Variants in DNAH1 observed in about 807,000 individuals in gnomAD.
The protein encoded by DNAH1 is axonemal beta dynein heavy chain 1.
In DNAH1, 327 loss-of-function variants were observed where a neutral mutation model predicts 484.3. The ratio of observed to expected loss-of-function variants is 0.68; its 90% CI spans 0.62 to 0.74. The LOEUF (loss-of-function observed/expected upper bound fraction) is 0.74. Among genes scored for constraint, DNAH1 ranks in the 30% least tolerant of loss-of-function variants. The pLI is 0.00. For missense variants in DNAH1, 5,052 were observed against 5,546.8 expected (o/e 0.91, Z 2.83); for synonymous variants, 2,192 against 2,191.9 (o/e 1.00, Z 0.00).
At position 52,391,218 on chromosome 3, in the gene DNAH1, C is replaced by G. The variant is rs150835931; in HGVS notation, c.9781C>G (p.Arg3261Gly). ...NGLDVFKLSDRDFLRSMENAI... is the reference protein window; with the variant it reads ...NGLDVFKLSDGDFLRSMENAI... The stretch of plus-strand genomic sequence containing the variant: ...GCTGGATGTGTTCAAGTTGAGTGAC[C>G]GCGACTTCCTGCGCAGCATGGAGAA... Residue 3261 changes from arginine (R) to glycine (G), a missense_variant, in exon 62 of 78, where the codon CGC (arginine) becomes GGC (glycine). By Grantham distance (125) the Arg-to-Gly change is moderately radical. This residue lies in a region of DNAH1 where 2,929 missense variants were observed against 3,409.4 expected (regional missense o/e 0.86). Coordinates refer to ENST00000420323, the MANE Select transcript of DNAH1 (RefSeq NM_015512.5). 2 of 1,613,882 alleles carry G rather than the reference C, an allele frequency of 1.2e-6. No individual in the cohort carries two copies. Among genetic ancestry groups the G allele is most frequent in the South Asian group, 1.1e-5 (1 of 91,052 alleles).
At chr3:52,356,590 C>T in intron 21 of DNAH1, 24 bp from the exon 22 acceptor site, 3 of 1,611,518 alleles carry the variant, frequency 1.9e-6, no homozygotes, top group Non-Finnish European at 2.5e-6. Flanking sequence ...ATATCACACC[C>T]CTCCCTGCCC....
Position 52,360,424 on chromosome 3 carries a change from G to A in DNAH1, c.4685G>A (p.Arg1562Lys), listed in dbSNP as rs1352904824. 6.2e-7 allele frequency: 1 copy of A among 1,612,390 alleles called. No homozygotes were observed. The change falls in exon 28 of 78, where the codon AGG becomes AAG. Residue 1562 changes from arginine (R) to lysine (K), a missense_variant and splice_region_variant. Arg to Lys is a conservative substitution (Grantham distance 26). Transcript: ENST00000420323. The part of the protein sequence containing the change: ...GRLVITPLTD[R>K]CYLTLTGALH... ...CTGGTGATCACGCCCCTCACCGACA[G>A]GTAAGCGTTCCCCTCTTGCTCCTTC...
chr3:52,314,405 G>A (rs1343589048), upstream of DNAH1, among the ~76,000 whole-genome samples: 3 of 152,220 alleles, frequency 2.0e-5, no homozygotes, highest in Non-Finnish European at 2.9e-5. Context: ...CTCAGATGGA[G>A]GTCAGAGAAA....
chr3:52,341,879 G>A (rs1176262116), intron 8 of DNAH1, among the ~76,000 whole-genome samples: 4 of 152,192 alleles, frequency 2.6e-5, no homozygotes, highest in African/African-American at 9.7e-5. Flanking sequence ...TCTTGTGCCA[G>A]ACACTGGGTA....
upstream of DNAH1, among the ~76,000 whole-genome samples, chr3:52,314,859 G>A (rs1700896935): frequency 6.6e-6 from 1 of 152,148 alleles, no homozygotes; most frequent in Non-Finnish European, 1.5e-5. Context: ...AGTAAAGGTG[G>A]GCAGGGGATT....
intron 4 of DNAH1, 77 bp downstream of exon 4, chr3:52,326,391 C>A: frequency 1.3e-6 from 2 of 1,489,528 alleles, no homozygotes; most frequent in East Asian, 2.3e-5. Context: ...AACTGCAGAT[C>A]ACCAGGTGAT....
chr3:52,381,950 G>C lies in DNAH1; in HGVS notation c.7805+114G>C, dbSNP rs112378680. The C allele has an allele frequency of 8.7e-7, 1 of 1,154,230 alleles. No individual in the cohort carries two copies. Among genetic ancestry groups the C allele is most frequent in the Non-Finnish European group, 1.2e-6 (1 of 834,088 alleles). The allele number at this position is 1,154,230 out of a possible 1,614,324, so 71.5% of individuals were successfully genotyped here. On this transcript the variant is annotated intron_variant, in intron 49 of 77. Coordinates refer to ENST00000420323, the MANE Select transcript of DNAH1 (RefSeq NM_015512.5). This position sits in a 1 kb window ranked among gnomAD's most constrained non-coding sequence, Gnocchi z 4.1. Reference sequence around the variant, plus strand: ...CCTCGGGCAACCCTGAAGTAGGCCCGTGCAGCCTACAGGCTTCTGGAAAGA... The same window carrying C: ...CCTCGGGCAACCCTGAAGTAGGCCCCTGCAGCCTACAGGCTTCTGGAAAGA...
rs1236817438 is a variant in DNAH1 at position 52,346,643 on chromosome 3, A to G, written c.1828A>G (p.Thr610Ala). 5.6e-6 allele frequency: 9 copies of G among 1,614,074 alleles called. No individual in the cohort carries two copies. In the East Asian group the frequency reaches 2.0e-4, roughly 36 times the overall value. The stretch of plus-strand genomic sequence containing the variant: ...GCTGGTGAAGTACATGCTGCAGGAC[A>G]CACTGCGCTTCCTGGTGCAGGACTC... ...MELVKYMLQD[T>A]LRFLVQDSLA... The change falls in exon 11 of 78, where the codon ACA becomes GCA. Residue 610 changes from threonine (T) to alanine (A), a missense_variant. Coordinates refer to ENST00000420323, the MANE Select transcript of DNAH1 (RefSeq NM_015512.5).
At position 52,352,633 on chromosome 3, in the gene DNAH1, C is replaced by T. The variant is rs1702440502; in HGVS notation, c.2953C>T (p.Gln985Ter). The T allele has an allele frequency of 6.2e-7, 1 of 1,613,022 alleles. No homozygotes were observed. Among genetic ancestry groups the T allele is most frequent in the Non-Finnish European group, 8.5e-7 (1 of 1,179,722 alleles). The change falls in exon 18 of 78, where the codon CAG becomes TAG. Residue 985 changes from glutamine to a stop codon, truncating the protein, a stop_gained. Coordinates refer to ENST00000420323, the MANE Select transcript of DNAH1 (RefSeq NM_015512.5). LOFTEE classifies it high-confidence loss of function. ...CAACGAGGTGCGGCGTGTCAAGAAG[C>T]AGCTGAAGGACTGCCAGCAGCTGGC... ...IANEVRRVKKQLKDCQQLAML... is the reference protein window; with the variant it reads ...IANEVRRVKK
Position 52,383,817 on chromosome 3 carries a change from T to C in DNAH1, c.8151-43T>C, listed in dbSNP as rs780608487. 3.9e-6 allele frequency: 6 copies of C among 1,539,516 alleles called. No individual in the cohort carries two copies. In the Admixed American group the frequency reaches 9.8e-5, roughly 25 times the overall value. On this transcript the variant is annotated intron_variant, in intron 51 of 77. Coordinates refer to ENST00000420323, the MANE Select transcript of DNAH1 (RefSeq NM_015512.5). Reference sequence around the variant, plus strand: ...CTGGGTCCTGGGCTCCTGGGGTCGTTGGTCAGTGTCTCTGGACCTCATTTG... The same window carrying C: ...CTGGGTCCTGGGCTCCTGGGGTCGTCGGTCAGTGTCTCTGGACCTCATTTG...
chr3:52,370,822 G>A lies in DNAH1; in HGVS notation c.6522G>A (p.Lys2174=), dbSNP rs906180337. 6 of 1,588,990 alleles carry A rather than the reference G, an allele frequency of 3.8e-6. No individual in the cohort carries two copies. Among genetic ancestry groups the A allele is most frequent in the Middle Eastern group, 1.7e-4 (1 of 5,870 alleles). Residue 2174 remains lysine, a synonymous_variant, in exon 41 of 78, where the codon AAG becomes AAA. Coordinates refer to ENST00000420323, the MANE Select transcript of DNAH1 (RefSeq NM_015512.5). ...GTGAGGATGAAGAGGAGGAATACAA[G>A]CAGGTGGCCGCAGGCCCTCCCCAGA... ...NDSEDEEEEY[K]QVAWVKWMDS...
chr3:52,352,775 C>T (rs1702448670), intron 18 of DNAH1, 68 bp downstream of exon 18: 2 of 1,538,982 alleles, frequency 1.3e-6, no homozygotes, highest in African/African-American at 1.4e-5. Context: ...GTAGATGCAG[C>T]TGCCAGGAGG....
At chr3:52,371,832 T>G (rs1703352012) in intron 41 of DNAH1, 114 bp from the exon 42 acceptor site, 1 of 1,482,686 alleles carries the variant, frequency 6.7e-7, no homozygotes, top group Non-Finnish European at 9.0e-7. Flanking sequence ...TGGACCCGCT[T>G]GCCAAAGCCC....
Position 52,355,175 on chromosome 3 carries a change from C to T in DNAH1, c.3693+120C>T. The T allele has an allele frequency of 2.0e-6, 2 of 1,001,788 alleles. No individual in the cohort carries two copies. Among genetic ancestry groups the T allele is most frequent in the Middle Eastern group, 3.1e-4 (1 of 3,248 alleles). 62.1% of individuals were successfully genotyped at this position (1,001,788 alleles called of 1,614,324 possible). A position where few individuals can be genotyped will look rare whatever the true frequency, so the allele number is the denominator to read the frequency against. On this transcript the variant is annotated intron_variant, in intron 21 of 77. Transcript: ENST00000420323. The surrounding 1 kb of genome is among the most constrained non-coding windows in gnomAD (Gnocchi z 4.5). ...CATCGCAGTGCCTTGCCCTCATTCA[C>T]ACAGCCCCTGGCTCTCTGGCAGGCC...
Position 52,388,287 on chromosome 3 carries a change from G to A in DNAH1, c.9124G>A (p.Ala3042Thr), listed in dbSNP as rs759706633. Residue 3042 changes from alanine (A) to threonine (T), a missense_variant, in exon 57 of 78, where the codon GCC becomes ACC. By Grantham distance (58) the Ala-to-Thr change is moderately conservative. Coordinates refer to ENST00000420323, the MANE Select transcript of DNAH1 (RefSeq NM_015512.5). ...CACCTCCATCTGCCAGTGGGTGCGC[G>A]CCATGCACAAGTACCACTTTGTGGC... ...ACTSICQWVR[A>T]MHKYHFVAKA... 1.7e-5 allele frequency: 27 copies of A among 1,601,374 alleles called. No homozygotes were observed. The highest frequency in any genetic ancestry group is 4.5e-5 in the South Asian group (4 of 88,798).
At chr3:52,397,619 C>A in intron 73 of DNAH1, 88 bp from the exon 74 acceptor site, 1 of 1,251,748 alleles carries the variant, frequency 8.0e-7, no homozygotes, top group Non-Finnish European at 1.1e-6. Context: ...GGGAATGTGA[C>A]AAGTGGGGAT....
Position 52,320,563 on chromosome 3 carries a change from C to T in DNAH1, c.-34-1846C>T, listed in dbSNP as rs144545681. 1.6e-3 allele frequency among the ~76,000 whole-genome samples: 238 copies of T among 152,326 alleles called. 1 individual carries two copies. The highest frequency in any genetic ancestry group is 2.5e-3 in the Admixed American group (38 of 15,314). ...TAGTTTTGCTCTAGACAGCCCTGGC[C>T]ACCCACCCCACTCCTCAAGTCAGTG... On this transcript the variant is annotated intron_variant, in intron 1 of 77. Transcript: ENST00000420323.
rs1266692176 is a variant in DNAH1 at position 52,372,242 on chromosome 3, C to T, written c.6682C>T (p.Pro2228Ser). 2 of 1,613,878 alleles carry T rather than the reference C, an allele frequency of 1.2e-6. No individual in the cohort carries two copies. Among genetic ancestry groups the T allele is most frequent in the East Asian group, 4.5e-5 (2 of 44,886 alleles). The change falls in exon 43 of 78, where the codon CCA (proline) becomes TCA (serine). Residue 2228 changes from proline to serine, a missense_variant. Physicochemically the swap from Pro to Ser is moderately conservative, Grantham distance 74. This residue lies in a region of DNAH1 where 2,929 missense variants were observed against 3,409.4 expected (regional missense o/e 0.86). Transcript: ENST00000420323. ...GCTCTGCCAGGTGCTGTGCATTGGG[C>T]CAACAGGCACGGGGAAGACGCTCAC... ...TNKKPVLCIG[P>S]TGTGKTLTIS...
intron 5 of DNAH1, among the ~76,000 whole-genome samples, 180 bp from the exon 6 acceptor site, chr3:52,327,702 C>G (rs916056997): frequency 6.6e-6 from 1 of 152,138 alleles, no homozygotes; most frequent in Non-Finnish European, 1.5e-5. Context: ...GGCTCAACCC[C>G]CAGTCCTAGC....
Sources: gnomAD v4.1 joint callset for allele counts (sites outside exome capture counted in the v4.1 genomes callset) on GRCh38, gnomAD v4.1.1 for gene constraint, gnomAD v4.1.1 regional missense constraint, Gnocchi (gnomAD v3.1) non-coding constraint, MANE v1.5 for transcripts, NCBI Gene and HGNC (gene_info 2026-07-23, HGNC 2026-07-21) for gene names.